The following GRB10 variants were observed in gnomAD, a reference collection of about 807,000 sequenced individuals.
GRB10 encodes the protein growth factor receptor-bound protein 10.
Under a neutral mutation model 80.9 loss-of-function variants are expected in GRB10, and 20 were observed. The ratio of observed to expected loss-of-function variants is 0.25; its 90% CI spans 0.17 to 0.36. The LOEUF (loss-of-function observed/expected upper bound fraction) is 0.36, where lower values mean the gene tolerates loss of function less well. GRB10 is among the 10% of genes least tolerant of loss of function. GRB10 has a pLI of 1.00. For missense variants in GRB10, 548 were observed against 747.7 expected (o/e 0.73, Z 3.12); for synonymous variants, 291 against 291.5 (o/e 1.00, Z 0.02).
At chr7:50,694,828 T>C (rs2063245514) in intron 5 of GRB10, among the ~76,000 whole-genome samples, 1 of 152,210 alleles carries the variant, frequency 6.6e-6, no homozygotes, top group East Asian at 1.9e-4. Flanking sequence ...TAAGAATAAC[T>C]ACATTATAGG....
chr7:50,621,722 G>A (rs1044648589), intron 8 of GRB10, among the ~76,000 whole-genome samples: 10 of 152,126 alleles, frequency 6.6e-5, no homozygotes, highest in Admixed American at 1.3e-4. Flanking sequence ...TGATTACAAT[G>A]GCCTAAGTTA....
At chr7:50,738,073 A>T (rs189362016) in intron 3 of GRB10, among the ~76,000 whole-genome samples, 122 of 152,262 alleles carry the variant, frequency 8.0e-4, no homozygotes, top group Non-Finnish European at 1.5e-3. Flanking sequence ...ACAAGATACC[A>T]CCTGACACTC....
At chr7:50,757,942 G>T (rs10486760) in intron 2 of GRB10, among the ~76,000 whole-genome samples, 1 of 152,014 alleles carries the variant, frequency 6.6e-6, no homozygotes, top group East Asian at 1.9e-4. Flanking sequence ...TCATGGGCAC[G>T]ATAAATTAAA....
At chr7:50,744,830 A>C (rs777010513) in intron 3 of GRB10, among the ~76,000 whole-genome samples, 1 of 152,238 alleles carries the variant, frequency 6.6e-6, no homozygotes, top group Non-Finnish European at 1.5e-5. Flanking sequence ...GTAGTACAGT[A>C]ATTTTCATAA....
intron 17 of GRB10, among the ~76,000 whole-genome samples, chr7:50,599,969 C>T (rs931405949): frequency 6.6e-6 from 1 of 152,184 alleles, no homozygotes; most frequent in Non-Finnish European, 1.5e-5. Flanking sequence ...ACATCTTCGC[C>T]TCGGGATGAT....
At chr7:50,705,200 G>A in intron 4 of GRB10, 2 of 985,784 alleles carry the variant, frequency 2.0e-6, no homozygotes, top group Non-Finnish European at 2.4e-6. Flanking sequence ...TCACAATGGG[G>A]GGAAGCAGAG....
chr7:50,603,009 T>TA (rs1271034364), intron 17 of GRB10, among the ~76,000 whole-genome samples: 6 of 152,074 alleles, frequency 3.9e-5, no homozygotes, highest in African/African-American at 1.4e-4. Context: ...GCGTGATGGG[T>TA]AAGTGGGGTT....
chr7:50,792,799 A>C (rs897904823), intron 1 of GRB10: 2 of 170,468 alleles, frequency 1.2e-5, no homozygotes, highest in Non-Finnish European at 2.4e-5. Context: ...CTGGGCGCCC[A>C]CCCTCCCAGG....
chr7:50,771,073 C>T (rs1288687444), intron 2 of GRB10, among the ~76,000 whole-genome samples: 1 of 152,184 alleles, frequency 6.6e-6, no homozygotes, highest in Non-Finnish European at 1.5e-5. Context: ...CACCCCTAGA[C>T]ATGGAACTGC....
intron 5 of GRB10, among the ~76,000 whole-genome samples, chr7:50,688,614 G>A (rs572534796): frequency 5.9e-5 from 9 of 152,106 alleles, no homozygotes; most frequent in Non-Finnish European, 1.2e-4. Flanking sequence ...CAGGAAGGAT[G>A]TGAGAAGACG....
chr7:50,657,012 T>A (rs572001831), intron 7 of GRB10, among the ~76,000 whole-genome samples: 52 of 152,310 alleles, frequency 3.4e-4, no homozygotes, highest in African/African-American at 1.2e-3. Flanking sequence ...ATGCAAATTA[T>A]CTGGTCACTG....
chr7:50,703,959 C>A, intron 4 of GRB10, 51 bp from the exon 5 acceptor site: 1 of 1,283,778 alleles, frequency 7.8e-7, no homozygotes, highest in South Asian at 1.2e-5. Flanking sequence ...AAGAAGCATC[C>A]CACTCTTTTC....
chr7:50,615,745 AG>A (rs1309625953), intron 11 of GRB10, among the ~76,000 whole-genome samples: 3 of 152,232 alleles, frequency 2.0e-5, no homozygotes, highest in African/African-American at 7.2e-5. Context: ...CTCTCTTTTG[AG>A]GGCCTGCAGC....
At chr7:50,720,521 G>A (rs1234975857) in intron 4 of GRB10, among the ~76,000 whole-genome samples, 2 of 152,138 alleles carry the variant, frequency 1.3e-5, no homozygotes, top group Non-Finnish European at 2.9e-5. Flanking sequence ...GAGAGCAGAG[G>A]ACAGGCACAT....
intron 4 of GRB10, among the ~76,000 whole-genome samples, chr7:50,724,808 C>T (rs911164291): frequency 2.0e-5 from 3 of 152,186 alleles, no homozygotes; most frequent in African/African-American, 4.8e-5. Context: ...GAAGGGAGCA[C>T]AGTCAATGTT....
chr7:50,604,444 C>A, intron 15 of GRB10, 67 bp from the exon 16 acceptor site: 1 of 1,355,780 alleles, frequency 7.4e-7, no homozygotes, highest in South Asian at 1.2e-5. Flanking sequence ...CCAATATGTC[C>A]AAGCTCATGG....
intron 2 of GRB10, among the ~76,000 whole-genome samples, chr7:50,765,044 C>G (rs896450269): frequency 1.4e-4 from 21 of 152,214 alleles, no homozygotes; most frequent in African/African-American, 4.8e-4. Context: ...AGAAGACATA[C>G]AAAGAGCCAA....
At chr7:50,718,784 GCT>G (rs2067269556) in intron 4 of GRB10, among the ~76,000 whole-genome samples, 1 of 152,160 alleles carries the variant, frequency 6.6e-6, no homozygotes, top group East Asian at 1.9e-4. Context: ...GCCATTCACA[GCT>G]CTCAGGGTCA....
intron 7 of GRB10, 140 bp downstream of exon 7, chr7:50,669,582 G>T: frequency 1.2e-6 from 1 of 823,324 alleles, no homozygotes; most frequent in East Asian, 2.7e-5. Context: ...AACAAGTACT[G>T]TGACAACAAG....
Sources: gnomAD v4.1 joint callset for allele counts (sites outside exome capture counted in the v4.1 genomes callset) on GRCh38, gnomAD v4.1.1 for gene constraint, MANE v1.5 for transcripts, NCBI Gene and HGNC (gene_info 2026-07-23, HGNC 2026-07-21) for gene names.